The following PBX1 variants were observed in gnomAD, a reference collection of about 807,000 sequenced individuals.
The protein encoded by PBX1 is pre-B-cell leukemia transcription factor 1.
A neutral mutation model predicts 53.4 loss-of-function variants in PBX1; 6 were observed. The ratio of observed to expected loss-of-function variants is 0.11; its 90% CI spans 0.06 to 0.22. PBX1 has a LOEUF of 0.22. PBX1 is among the 10% of genes least tolerant of loss of function. PBX1 has a pLI of 1.00. For synonymous variants in PBX1, 204 were observed against 212.3 expected, an observed-to-expected ratio of 0.96 and a Z score of 0.34; for missense variants, 251 against 551.4, an observed-to-expected ratio of 0.46 and a Z score of 5.46.
In PBX1 at chr1:164,562,452, T is replaced by TACACACACACACACAC. The variant is rs6143458; in HGVS notation, c.192-759_192-744dup. ...TTTTGTTCCTCAAGTGCATTCAGAA[T>TACACACACACACACAC]ACACACACACACACACACACACACA... is the stretch of plus-strand genomic sequence containing the variant. On this transcript the variant is annotated intron_variant, in intron 1 of 8. Coordinates refer to ENST00000420696, the MANE Select transcript of PBX1 (RefSeq NM_002585.4). 7.6e-3 allele frequency among the ~76,000 whole-genome samples: 1,096 copies of TACACACACACACACAC among 143,360 alleles called. 29 individuals are homozygous for TACACACACACACACAC. The East Asian group carries it at 0.077, about 10-fold the overall frequency. 94.0% of individuals were successfully genotyped at this position (143,360 alleles called of 152,430 possible). A position where few individuals can be genotyped will look rare whatever the true frequency, so the allele number is the denominator to read the frequency against.
intron 5 of PBX1, among the ~76,000 whole-genome samples, chr1:164,811,140 A>G (rs1431549378): frequency 1.3e-5 from 2 of 152,122 alleles, no homozygotes; most frequent in African/African-American, 4.8e-5. Flanking sequence ...CATATCTGGA[A>G]TGTGGGATAT....
At chr1:164,828,534 G>A (rs1670587159) in intron 8 of PBX1, 1 of 152,186 alleles carries the variant, frequency 6.6e-6, no homozygotes, top group South Asian at 2.1e-4. Flanking sequence ...TGCAATTGGT[G>A]TTTTATAGCA....
intron 2 of PBX1, among the ~76,000 whole-genome samples, chr1:164,881,410 T>A (rs66641717): frequency 0.41 from 7,286 of 17,760 alleles, 1,171 homozygotes; most frequent in Middle Eastern, 0.73. Context: ...GAAAAGAAGG[T>A]AGGAAGGAAG....
At chr1:164,682,309 G>C (rs1004396689) in intron 2 of PBX1, 1 of 151,804 alleles carries the variant, frequency 6.6e-6, no homozygotes, top group African/African-American at 2.4e-5. Flanking sequence ...TTTTTTTGCA[G>C]GTATTTCGAA....
rs182688769 is a variant in PBX1 at position 164,835,030 on chromosome 1, A to G, written c.1201-11554A>G. Reference sequence around the variant, plus strand: ...CTCGTAGCCTTCTAGCACTTTATGTATAAGTGTGTTTTTTATGTGGGTGTA... The same window carrying G: ...CTCGTAGCCTTCTAGCACTTTATGTGTAAGTGTGTTTTTTATGTGGGTGTA... On this transcript the variant is annotated intron_variant, in intron 8 of 8. Coordinates refer to ENST00000420696, the MANE Select transcript of PBX1 (RefSeq NM_002585.4). Among the ~76,000 whole-genome samples, 160 of 152,332 alleles carry G rather than the reference A, an allele frequency of 1.1e-3. 2 individuals are homozygous for G. The highest frequency in any genetic ancestry group is 1.3e-4 in the Non-Finnish European group (9 of 68,030).
chr1:164,589,617 C>G (rs1411446441), intron 2 of PBX1, among the ~76,000 whole-genome samples: 1 of 152,120 alleles, frequency 6.6e-6, no homozygotes, highest in Non-Finnish European at 1.5e-5. Flanking sequence ...TTGTTTATTG[C>G]CAGAGAGTAG....
chr1:164,712,634 G>A (rs1663862949), intron 2 of PBX1, among the ~76,000 whole-genome samples: 1 of 152,140 alleles, frequency 6.6e-6, no homozygotes, highest in Admixed American at 6.6e-5. Context: ...AGGTGGAGGG[G>A]GATGTTAATC....
At chr1:164,749,314 T>G (rs2347796) in intron 2 of PBX1, among the ~76,000 whole-genome samples, 10,961 of 152,264 alleles carry the variant, frequency 0.072, 604 homozygotes, top group East Asian at 0.16. Flanking sequence ...TTCTGTTACT[T>G]TATTACTTTT....
intron 8 of PBX1, among the ~76,000 whole-genome samples, chr1:164,832,286 A>G (rs1670807283): frequency 6.6e-6 from 1 of 152,128 alleles, no homozygotes; most frequent in African/African-American, 2.4e-5. Flanking sequence ...CTCAATTATG[A>G]CTGTTCTGTT....
chr1:164,743,311 T>C (rs1019280121), intron 2 of PBX1, among the ~76,000 whole-genome samples: 6 of 152,202 alleles, frequency 3.9e-5, no homozygotes, highest in South Asian at 2.1e-4. Flanking sequence ...ACATGTTGAA[T>C]TGTGTGTTTT....
chr1:164,871,252 A>G (rs1438171702), intron 2 of PBX1, among the ~76,000 whole-genome samples: 1 of 152,208 alleles, frequency 6.6e-6, no homozygotes, highest in Non-Finnish European at 1.5e-5. Context: ...TGTGTGCTGC[A>G]GGGGCTCAGA....
At chr1:164,649,724 G>C (rs1179643016) in intron 2 of PBX1, among the ~76,000 whole-genome samples, 1 of 152,144 alleles carries the variant, frequency 6.6e-6, no homozygotes, top group Non-Finnish European at 1.5e-5. Context: ...CCCCCTGCCA[G>C]GGAGCAAACT....
At chr1:164,686,935 C>T (rs543240988) in intron 2 of PBX1, among the ~76,000 whole-genome samples, 10 of 150,334 alleles carry the variant, frequency 6.7e-5, no homozygotes, top group South Asian at 2.1e-4. Flanking sequence ...CCAGCCTGGG[C>T]GACAGAGCGA....
chr1:164,782,030 C>T (rs909899609), intron 2 of PBX1, among the ~76,000 whole-genome samples: 2 of 152,024 alleles, frequency 1.3e-5, no homozygotes, highest in Non-Finnish European at 2.9e-5. Flanking sequence ...AAAACAAAAC[C>T]CTCTGAAAAA....
At chr1:164,562,018 A>G (rs1368383658) in intron 1 of PBX1, among the ~76,000 whole-genome samples, 3 of 152,084 alleles carry the variant, frequency 2.0e-5, no homozygotes, top group East Asian at 1.9e-4. Flanking sequence ...TGGATAAACA[A>G]TGTAACTCCA....
At chr1:164,797,432 T>C (rs1412928201) in intron 3 of PBX1, among the ~76,000 whole-genome samples, 2 of 152,170 alleles carry the variant, frequency 1.3e-5, no homozygotes, top group Non-Finnish European at 2.9e-5. Flanking sequence ...TTCAGCTAAC[T>C]TGCTGCCAGG....
chr1:164,655,635 C>A (rs1178548505), intron 2 of PBX1, among the ~76,000 whole-genome samples: 1 of 152,090 alleles, frequency 6.6e-6, no homozygotes, highest in African/African-American at 2.4e-5. Context: ...GAAATTTTTT[C>A]TTGTGATTGA....
intron 2 of PBX1, among the ~76,000 whole-genome samples, chr1:164,765,786 A>G (rs1401737465): frequency 6.6e-6 from 1 of 152,126 alleles, no homozygotes; most frequent in Non-Finnish European, 1.5e-5. Flanking sequence ...TCCAGTTTCC[A>G]GGGTACCATG....
chr1:164,875,638 A>G lies in PBX1; in HGVS notation n.258-23550A>G, dbSNP rs139567987. On this transcript the variant is annotated intron_variant and non_coding_transcript_variant, in intron 2 of 2. Coordinates refer to the PBX1 transcript ENST00000558796. ...TAGATGAGTCCCACCTTGGGCAAAAATGGCCAAACCCTTGAGCCACCGGCA... is the reference window on the plus strand; with the variant it reads ...TAGATGAGTCCCACCTTGGGCAAAAGTGGCCAAACCCTTGAGCCACCGGCA... 8.2e-3 allele frequency among the ~76,000 whole-genome samples: 1,245 copies of G among 152,176 alleles called. 13 individuals are homozygous for G. The highest frequency in any genetic ancestry group is 0.037 in the South Asian group (178 of 4,816).
Sources: gnomAD v4.1 joint callset for allele counts (sites outside exome capture counted in the v4.1 genomes callset) on GRCh38, gnomAD v4.1.1 for gene constraint, MANE v1.5 for transcripts, NCBI Gene and HGNC (gene_info 2026-07-23, HGNC 2026-07-21) for gene names.